Variants in ARHGAP26 observed in about 807,000 individuals in gnomAD.
ARHGAP26 encodes the protein Rho GTPase activating protein 26, also known as rho GTPase-activating protein 26.
In ARHGAP26, 38 loss-of-function variants were observed where a neutral mutation model predicts 104.8. The ratio of observed to expected loss-of-function variants is 0.36; its 90% CI spans 0.28 to 0.48. The LOEUF is 0.48. Ranked by LOEUF, ARHGAP26 falls within the 20% of genes least tolerant of loss-of-function variation. The probability of loss-of-function intolerance (pLI) is 0.99; values close to 1 mark genes in which losing one functional copy is unlikely to be tolerated. For synonymous variants in ARHGAP26, 341 were observed against 340.0 expected, an observed-to-expected ratio of 1.00 and a Z score of -0.03; for missense variants, 704 against 947.9, an observed-to-expected ratio of 0.74 and a Z score of 3.38.
intron 13 of ARHGAP26, 92 bp downstream of exon 13, chr5:143,037,353 G>T: frequency 1.8e-6 from 2 of 1,097,484 alleles, no homozygotes; most frequent in African/African-American, 3.1e-5. Flanking sequence ...CTGACTTTAA[G>T]TGACTCATTA....
chr5:142,942,172 G>T (rs904608502), intron 11 of ARHGAP26, among the ~76,000 whole-genome samples: 11 of 152,058 alleles, frequency 7.2e-5, no homozygotes, highest in Non-Finnish European at 7.4e-5. Flanking sequence ...TCTGAGACCT[G>T]AATTCCTTGA....
intron 1 of ARHGAP26, among the ~76,000 whole-genome samples, chr5:142,807,679 C>A (rs1026731360): frequency 3.3e-5 from 5 of 152,192 alleles, no homozygotes; most frequent in Non-Finnish European, 7.3e-5. Context: ...CAAGTTCACA[C>A]CCATGTTGCA....
intron 17 of ARHGAP26, among the ~76,000 whole-genome samples, chr5:143,075,325 A>T (rs749427009): frequency 1.5e-4 from 23 of 149,884 alleles, no homozygotes; most frequent in Non-Finnish European, 3.1e-4. Context: ...ATATATAAAT[A>T]TAATTTTATT....
At chr5:143,061,624 T>C (rs1304384065) in intron 17 of ARHGAP26, among the ~76,000 whole-genome samples, 1 of 152,174 alleles carries the variant, frequency 6.6e-6, no homozygotes, top group Non-Finnish European at 1.5e-5. Context: ...TTAGGATGCT[T>C]TGAGCTGCAA....
At chr5:142,770,994 C>T (rs1755076032) in intron 1 of ARHGAP26, 79 bp downstream of exon 1, 1 of 1,479,796 alleles carries the variant, frequency 6.8e-7, no homozygotes, top group East Asian at 2.6e-5. Flanking sequence ...GGGTTGCCCG[C>T]GCGTCTGCCG....
intron 11 of ARHGAP26, among the ~76,000 whole-genome samples, chr5:142,987,724 A>G (rs1245300363): frequency 6.6e-6 from 1 of 152,118 alleles, no homozygotes; most frequent in Non-Finnish European, 1.5e-5. Flanking sequence ...GAATTTTGTC[A>G]AAGGCCTTTT....
chr5:143,202,653 A>G (rs1807940476), intron 20 of ARHGAP26: 1 of 152,154 alleles, frequency 6.6e-6, no homozygotes. Context: ...GCTGGAGGGA[A>G]CATGCTACCT....
chr5:142,938,993 G>T (rs1169525626), intron 11 of ARHGAP26, among the ~76,000 whole-genome samples: 1 of 152,208 alleles, frequency 6.6e-6, no homozygotes, highest in African/African-American at 2.4e-5. Flanking sequence ...ATCAACAATT[G>T]TGTGTAAGTC....
In ARHGAP26 at chr5:142,875,051, A is replaced by C. The variant is rs1206344590; in HGVS notation, c.251-59A>C. On this transcript the variant is annotated intron_variant, in intron 2 of 22. Coordinates refer to ENST00000645722, the MANE Select transcript of ARHGAP26 (RefSeq NM_001135608.3). ...TCCATAACATAATAGCCAGAGCTGG[A>C]AAGGCTCCCCAAGGCCCATGACACT... 4.2e-6 allele frequency: 6 copies of C among 1,443,864 alleles called. No homozygotes were observed. The East Asian group carries it at 6.9e-5, about 17-fold the overall frequency. 89.4% of individuals were successfully genotyped at this position (1,443,864 alleles called of 1,614,324 possible).
chr5:143,104,809 T>A (rs1258614314), intron 17 of ARHGAP26, among the ~76,000 whole-genome samples: 1 of 152,182 alleles, frequency 6.6e-6, no homozygotes, highest in Non-Finnish European at 1.5e-5. Flanking sequence ...TAAAACTAGG[T>A]GTCTGCAGTA....
At chr5:143,034,491 C>T (rs961519485) in intron 12 of ARHGAP26, among the ~76,000 whole-genome samples, 8 of 152,134 alleles carry the variant, frequency 5.3e-5, no homozygotes, top group African/African-American at 1.9e-4. Flanking sequence ...AGGAGCTAGA[C>T]ATAAAAGACC....
chr5:142,771,262 C>A, intron 1 of ARHGAP26: 3 of 1,249,714 alleles, frequency 2.4e-6, no homozygotes, highest in Non-Finnish European at 3.0e-6. Flanking sequence ...CGGGCAGATC[C>A]CATCGTGTCC....
chr5:142,840,034 T>A (rs1364578448), intron 1 of ARHGAP26, among the ~76,000 whole-genome samples: 1 of 152,184 alleles, frequency 6.6e-6, no homozygotes, highest in Non-Finnish European at 1.5e-5. Context: ...CCCCACTGCC[T>A]GGTGGAGGAG....
intron 1 of ARHGAP26, among the ~76,000 whole-genome samples, chr5:142,804,290 C>A (rs970552492): frequency 6.6e-6 from 1 of 152,090 alleles, no homozygotes; most frequent in African/African-American, 2.4e-5. Context: ...CTTGCTATTC[C>A]GTAACTATTA....
At chr5:143,051,863 T>G (rs1453191056) in intron 14 of ARHGAP26, among the ~76,000 whole-genome samples, 1 of 152,200 alleles carries the variant, frequency 6.6e-6, no homozygotes, top group Non-Finnish European at 1.5e-5. Flanking sequence ...AGTTTCATGT[T>G]CACTCTTCTT....
intron 1 of ARHGAP26, among the ~76,000 whole-genome samples, chr5:142,817,512 G>C (rs1765367766): frequency 6.6e-6 from 1 of 152,198 alleles, no homozygotes; most frequent in Non-Finnish European, 1.5e-5. Flanking sequence ...TCCTGCTGTA[G>C]AGGTGAAGGA....
chr5:143,133,926 C>T (rs1433035485), intron 18 of ARHGAP26, 41 bp from the exon 19 acceptor site: 2 of 1,571,400 alleles, frequency 1.3e-6, no homozygotes, highest in Middle Eastern at 1.7e-4. Flanking sequence ...TCTTCCCAGT[C>T]CACAGATGTG....
intron 5 of ARHGAP26, 136 bp downstream of exon 5, chr5:142,885,535 T>A: frequency 1.5e-6 from 1 of 666,480 alleles, no homozygotes; most frequent in Non-Finnish European, 2.5e-6. Context: ...TCCTGATCCC[T>A]CATCCAGTGC....
intron 11 of ARHGAP26, among the ~76,000 whole-genome samples, chr5:142,971,599 A>G (rs550960744): frequency 6.6e-6 from 1 of 152,134 alleles, no homozygotes; most frequent in East Asian, 1.9e-4. Context: ...ATTTTTTTTT[A>G]GAAACGGAGG....
Sources: allele counts gnomAD v4.1 joint callset (sites outside exome capture counted in the v4.1 genomes callset), GRCh38; gene constraint gnomAD v4.1.1; transcripts MANE v1.5; gene names NCBI Gene and HGNC (gene_info 2026-07-23, HGNC 2026-07-21).